The following SCFD2 variants were observed in gnomAD, a reference collection of about 807,000 sequenced individuals.
The protein encoded by SCFD2 is sec1 family domain-containing protein 2.
SCFD2 carries 54 observed loss-of-function variants against 58.9 expected under a neutral mutation model. That is an observed-to-expected ratio of 0.92 (90% CI 0.74 to 1.15). SCFD2 has a LOEUF of 1.15. SCFD2 is among the 50% of genes most tolerant of loss of function. SCFD2 has a pLI of 0.00. For synonymous variants in SCFD2, 321 were observed against 335.9 expected (o/e 0.96, Z 0.49); for missense variants, 805 against 836.6 (o/e 0.96, Z 0.47).
intron 5 of SCFD2, among the ~76,000 whole-genome samples, chr4:53,044,297 G>T (rs1249412801): frequency 1.3e-5 from 2 of 151,914 alleles, no homozygotes; most frequent in Non-Finnish European, 2.9e-5. Context: ...ACAGTTGTCA[G>T]ATTTACATCA....
intron 8 of SCFD2, among the ~76,000 whole-genome samples, chr4:52,876,610 C>A (rs562472571): frequency 6.6e-6 from 1 of 151,796 alleles, no homozygotes; most frequent in East Asian, 1.9e-4. Context: ...ATTAGGTGCG[C>A]GTGGCGGTGC....
intron 4 of SCFD2, among the ~76,000 whole-genome samples, chr4:53,164,987 A>T (rs1450379549): frequency 6.6e-6 from 1 of 152,130 alleles, no homozygotes; most frequent in African/African-American, 2.4e-5. Context: ...TGACCCCATG[A>T]CTGAAAAAGT....
chr4:53,079,502 C>T (rs559789964), intron 5 of SCFD2, among the ~76,000 whole-genome samples: 5 of 152,256 alleles, frequency 3.3e-5, no homozygotes, highest in East Asian at 3.9e-4. Flanking sequence ...TGTAAATCAA[C>T]GAAGAACATA....
At chr4:53,161,254 T>G (rs977044971) in intron 4 of SCFD2, among the ~76,000 whole-genome samples, 24 of 152,134 alleles carry the variant, frequency 1.6e-4, no homozygotes, top group African/African-American at 4.8e-4. Context: ...TTAGTGAAAA[T>G]TCATTGAGCT....
chr4:53,278,009 G>A (rs553993627), intron 3 of SCFD2, among the ~76,000 whole-genome samples: 30 of 151,148 alleles, frequency 2.0e-4, no homozygotes, highest in Admixed American at 1.9e-3. Flanking sequence ...GCGGAGATCC[G>A]GCCACTGCAC....
intron 5 of SCFD2, among the ~76,000 whole-genome samples, chr4:52,938,563 G>T (rs540230832): frequency 2.6e-5 from 4 of 152,240 alleles, no homozygotes; most frequent in Non-Finnish European, 4.4e-5. Context: ...GGGCTAATCT[G>T]TAATATACTA....
intron 5 of SCFD2, among the ~76,000 whole-genome samples, chr4:53,122,544 A>G (rs1725509425): frequency 6.6e-6 from 1 of 152,200 alleles, no homozygotes; most frequent in Non-Finnish European, 1.5e-5. Flanking sequence ...AGAAATAAGC[A>G]GAATAAATAG....
intron 4 of SCFD2, among the ~76,000 whole-genome samples, chr4:53,154,121 C>A (rs1445572584): frequency 1.3e-5 from 2 of 152,194 alleles, no homozygotes; most frequent in Non-Finnish European, 2.9e-5. Context: ...CTTCCACATT[C>A]TCAAGTATTT....
At chr4:52,905,524 AG>A (rs1719323223) in intron 7 of SCFD2, among the ~76,000 whole-genome samples, 1 of 152,194 alleles carries the variant, frequency 6.6e-6, no homozygotes, top group South Asian at 2.1e-4. Context: ...TCACAGCTAA[AG>A]GCTGAGGAAT....
chr4:52,938,273 T>G (rs910058373), intron 5 of SCFD2, among the ~76,000 whole-genome samples: 1 of 152,058 alleles, frequency 6.6e-6, no homozygotes, highest in African/African-American at 2.4e-5. Flanking sequence ...AACAGAGAGG[T>G]TGAGTAACTT....
chr4:53,214,316 A>G (rs1314468528), intron 4 of SCFD2, among the ~76,000 whole-genome samples: 1 of 149,820 alleles, frequency 6.7e-6, no homozygotes, highest in Non-Finnish European at 1.5e-5. Context: ...CCCAGCACCT[A>G]TTGTTTCCTG....
chr4:52,976,010 C>A (rs1721251462), intron 5 of SCFD2, among the ~76,000 whole-genome samples: 1 of 113,696 alleles, frequency 8.8e-6, no homozygotes, highest in Middle Eastern at 8.5e-3. Flanking sequence ...ACATCACACA[C>A]TGGGGCCTGT....
intron 5 of SCFD2, among the ~76,000 whole-genome samples, chr4:53,000,434 T>C (rs1721837855): frequency 6.6e-6 from 1 of 152,208 alleles, no homozygotes; most frequent in Non-Finnish European, 1.5e-5. Flanking sequence ...TCCCTTTAGA[T>C]GGGACACAGT....
At chr4:53,341,377 C>A (rs976989784) in intron 2 of SCFD2, among the ~76,000 whole-genome samples, 1 of 151,836 alleles carries the variant, frequency 6.6e-6, no homozygotes, top group Non-Finnish European at 1.5e-5. Flanking sequence ...GTCAAATGAA[C>A]GAAATGAAGC....
Position 53,007,415 on chromosome 4 carries a change from G to A in SCFD2, c.1562-86545C>T, listed in dbSNP as rs1292222877. On this transcript the variant is annotated intron_variant, in intron 5 of 8. Transcript: ENST00000401642. ...GAAGGAAGGAAGGAAGGGAGGGAGGGAGGGAGGGAGGGAGGGAGGGAGGAA... is the reference window on the plus strand; with the variant it reads ...GAAGGAAGGAAGGAAGGGAGGGAGGAAGGGAGGGAGGGAGGGAGGGAGGAA... Among the ~76,000 whole-genome samples, 71 of 135,712 alleles carry A rather than the reference G, an allele frequency of 5.2e-4. 1 individual carries two copies. Among genetic ancestry groups the A allele is most frequent in the Admixed American group, 1.7e-3 (22 of 13,124 alleles). 89.0% of individuals were successfully genotyped at this position (135,712 alleles called of 152,430 possible).
Position 53,068,527 on chromosome 4 carries a change from T to G in SCFD2, c.1561+76806A>C, listed in dbSNP as rs182165342. Among the ~76,000 whole-genome samples the G allele has an allele frequency of 2.6e-5, 4 of 152,214 alleles. No homozygotes were observed. In the East Asian group the frequency reaches 7.7e-4, roughly 29 times the overall value. ...TACAAAAATGTGTTGGTGCATACCT[T>G]TCAATACTTTTTCCTGTGTATATAT... On this transcript the variant is annotated intron_variant, in intron 5 of 8. Coordinates refer to ENST00000401642, the MANE Select transcript of SCFD2 (RefSeq NM_152540.4).
chr4:53,216,896 G>C (rs573691725), intron 4 of SCFD2, among the ~76,000 whole-genome samples: 6 of 152,220 alleles, frequency 3.9e-5, no homozygotes, highest in African/African-American at 1.4e-4. Context: ...CCTTCATTTC[G>C]TTATGTACCC....
In SCFD2 at chr4:53,332,620, G is replaced by A. The variant is rs187240667; in HGVS notation, c.1008-18857C>T. Among the ~76,000 whole-genome samples, 19 of 152,248 alleles carry A rather than the reference G, an allele frequency of 1.2e-4. No individual in the cohort carries two copies. The East Asian group carries it at 3.7e-3, about 29-fold the overall frequency. ...TCTCAAAATAGTAAGAGCTATCTATGACAAACCCACAGCCAATATCATACT... is the reference window on the plus strand; with the variant it reads ...TCTCAAAATAGTAAGAGCTATCTATAACAAACCCACAGCCAATATCATACT... On this transcript the variant is annotated intron_variant, in intron 2 of 8. Transcript: ENST00000401642.
rs1242432944 is a variant in SCFD2 at position 53,237,154 on chromosome 4, G to A, written c.1311+36672C>T. Among the ~76,000 whole-genome samples, 6 of 149,628 alleles carry A rather than the reference G, an allele frequency of 4.0e-5. No individual in the cohort carries two copies. In the East Asian group the frequency reaches 1.2e-3, roughly 29 times the overall value. ...CATGTTTCAGAGAGCACAGGGTTGG[G>A]GGTAAGGTCATAGATCAACAGGATC... is the stretch of plus-strand genomic sequence containing the variant. On this transcript the variant is annotated intron_variant, in intron 4 of 8. Transcript: ENST00000401642.
Sources: gnomAD v4.1 joint callset for allele counts (sites outside exome capture counted in the v4.1 genomes callset) on GRCh38, gnomAD v4.1.1 for gene constraint, MANE v1.5 for transcripts, NCBI Gene and HGNC (gene_info 2026-07-23, HGNC 2026-07-21) for gene names.